Variants in PCSK2 observed in about 807,000 individuals in gnomAD.
PCSK2 encodes proprotein convertase subtilisin/kexin type 2.
PCSK2 carries 14 observed loss-of-function variants against 69.7 expected under a neutral mutation model. That is an observed-to-expected ratio of 0.20 (90% CI 0.13 to 0.31). The LOEUF (loss-of-function observed/expected upper bound fraction) is 0.31, where lower values mean the gene tolerates loss of function less well. PCSK2 is among the 10% of genes least tolerant of loss of function. PCSK2 has a pLI of 1.00. For synonymous variants in PCSK2, 307 were observed against 320.7 expected (o/e 0.96, Z 0.46); for missense variants, 544 against 842.5 (o/e 0.65, Z 4.39).
chr20:17,364,768 G>A (rs984710715), intron 4 of PCSK2, among the ~76,000 whole-genome samples: 1 of 152,166 alleles, frequency 6.6e-6, no homozygotes, highest in Non-Finnish European at 1.5e-5. Context: ...GGAAGAGCCT[G>A]GCTGGGCACT....
At chr20:17,419,697 T>C (rs1051815177) in intron 6 of PCSK2, among the ~76,000 whole-genome samples, 5 of 152,238 alleles carry the variant, frequency 3.3e-5, no homozygotes, top group Admixed American at 6.5e-5. Flanking sequence ...TCTCAAGGTC[T>C]GCAGCCCACG....
intron 2 of PCSK2, among the ~76,000 whole-genome samples, chr20:17,347,138 C>G (rs969108372): frequency 6.6e-6 from 1 of 152,220 alleles, no homozygotes; most frequent in African/African-American, 2.4e-5. Flanking sequence ...GCAATCAATA[C>G]TGTGCATTCA....
chr20:17,232,901 G>A (rs1342657498), intron 1 of PCSK2, among the ~76,000 whole-genome samples: 1 of 152,192 alleles, frequency 6.6e-6, no homozygotes, highest in Non-Finnish European at 1.5e-5. Context: ...TTCCACAGTA[G>A]CTAAGGGAAA....
At chr20:17,351,306 T>A (rs6080650) in intron 2 of PCSK2, among the ~76,000 whole-genome samples, 138,259 of 152,198 alleles carry the variant, frequency 0.91, 62,957 homozygotes, top group South Asian at 0.96. Context: ...ATTCTATGAA[T>A]CTATTCCAAA....
intron 8 of PCSK2, among the ~76,000 whole-genome samples, chr20:17,442,564 T>C (rs573151639): frequency 6.6e-6 from 1 of 152,314 alleles, no homozygotes; most frequent in African/African-American, 2.4e-5. Flanking sequence ...ACGACTTTTT[T>C]CTTCTAGTTC....
At chr20:17,276,445 AACACACAC>A (rs58766799) in intron 2 of PCSK2, among the ~76,000 whole-genome samples, 143 of 146,968 alleles carry the variant, frequency 9.7e-4, no homozygotes, top group African/African-American at 2.8e-3. Context: ...TTTTAAATTC[AACACACAC>A]ACACACACAC....
At chr20:17,298,027 T>C (rs1017063648) in intron 2 of PCSK2, among the ~76,000 whole-genome samples, 13 of 152,206 alleles carry the variant, frequency 8.5e-5, no homozygotes, top group Non-Finnish European at 1.5e-4. Context: ...ATGCATTATA[T>C]TTTTATTGCT....
rs1015191522 is a variant in PCSK2, at chr20:17,467,086, C to G, written c.1430+1533C>G. On this transcript the variant is annotated intron_variant, in intron 11 of 11. Transcript: ENST00000262545. Reference sequence around the variant, plus strand: ...ATCGAGCCTGGCCAGAGTCCAACCCCTCTCAGACTTTATCCTCCTCGCCAC... The same window carrying G: ...ATCGAGCCTGGCCAGAGTCCAACCCGTCTCAGACTTTATCCTCCTCGCCAC... Among the ~76,000 whole-genome samples, 3 of 152,216 alleles carry G rather than the reference C, an allele frequency of 2.0e-5. No homozygotes were observed. In the East Asian group the frequency reaches 5.8e-4, roughly 29 times the overall value.
chr20:17,328,878 C>A (rs539406770), intron 2 of PCSK2, among the ~76,000 whole-genome samples: 1 of 152,228 alleles, frequency 6.6e-6, no homozygotes, highest in South Asian at 2.1e-4. Context: ...GTGCATTCAA[C>A]TAAATGTCAA....
chr20:17,412,351 T>G (rs773289118), intron 6 of PCSK2, among the ~76,000 whole-genome samples: 2 of 152,116 alleles, frequency 1.3e-5, no homozygotes, highest in Admixed American at 6.5e-5. Context: ...CTGATGGAGC[T>G]GAAAACCATG....
chr20:17,400,768 C>A (rs983713976), intron 5 of PCSK2, among the ~76,000 whole-genome samples: 1 of 152,192 alleles, frequency 6.6e-6, no homozygotes, highest in African/African-American at 2.4e-5. Flanking sequence ...AGCCCACTAT[C>A]CACTCTATTC....
chr20:17,236,709 G>A (rs1427951046), intron 1 of PCSK2, among the ~76,000 whole-genome samples: 1 of 152,072 alleles, frequency 6.6e-6, no homozygotes, highest in African/African-American at 2.4e-5. Context: ...TGAGTAGCTA[G>A]GTTTTACTGA....
chr20:17,323,228 C>T (rs1568602782), intron 2 of PCSK2, among the ~76,000 whole-genome samples: 3 of 152,130 alleles, frequency 2.0e-5, no homozygotes, highest in East Asian at 3.9e-4. Context: ...TTCTGAGGGA[C>T]ATTCAGACCA....
intron 5 of PCSK2, among the ~76,000 whole-genome samples, chr20:17,391,906 GAGGAAGGAAGGAAGGAAGGA>G (rs145258467): frequency 3.0e-4 from 30 of 100,010 alleles, no homozygotes; most frequent in Admixed American, 1.6e-3. Context: ...GAAAGAGAGA[GAGGAAGGAAGGAAGGAAGGA>G]AGGAAGGAAG....
chr20:17,260,942 A>G (rs1214783593), intron 2 of PCSK2, among the ~76,000 whole-genome samples: 1 of 151,924 alleles, frequency 6.6e-6, no homozygotes, highest in East Asian at 1.9e-4. Context: ...CATTTTTTTA[A>G]TCTTCAGTCT....
chr20:17,449,033 A>G (rs1017041555), intron 8 of PCSK2, among the ~76,000 whole-genome samples: 2 of 151,868 alleles, frequency 1.3e-5, no homozygotes, highest in Non-Finnish European at 2.9e-5. Flanking sequence ...ACGCCAAGCT[A>G]ATTTTTTCTT....
intron 1 of PCSK2, among the ~76,000 whole-genome samples, chr20:17,241,695 G>A (rs993028082): frequency 6.6e-6 from 1 of 152,156 alleles, no homozygotes; most frequent in African/African-American, 2.4e-5. Context: ...ACGGCTGGTA[G>A]AGCAGCCAGT....
At chr20:17,342,826 C>CT (rs907872135) in intron 2 of PCSK2, among the ~76,000 whole-genome samples, 167 of 150,368 alleles carry the variant, frequency 1.1e-3, no homozygotes, top group Admixed American at 5.2e-3. Context: ...TCCTTTTTTT[C>CT]TTTTTTTTTG....
At chr20:17,318,904 A>G (rs1989776796) in intron 2 of PCSK2, among the ~76,000 whole-genome samples, 2 of 151,992 alleles carry the variant, frequency 1.3e-5, no homozygotes, top group South Asian at 4.1e-4. Flanking sequence ...AGGATTATTC[A>G]ATTCAGCTGC....
Sources: allele counts gnomAD v4.1 joint callset (sites outside exome capture counted in the v4.1 genomes callset), GRCh38; gene constraint gnomAD v4.1.1; transcripts MANE v1.5; gene names NCBI Gene and HGNC (gene_info 2026-07-23, HGNC 2026-07-21).